CLIC5: variants seen among roughly 807,000 people sequenced by gnomAD.
CLIC5 encodes CLIC family member 5.
Under a neutral mutation model 24.7 loss-of-function variants are expected in CLIC5, and 20 were observed. The observed-to-expected ratio is 0.81, with a 90% CI of 0.57 to 1.18. The LOEUF (loss-of-function observed/expected upper bound fraction) is 1.18. Among genes scored for constraint, CLIC5 ranks in the 50% most tolerant of loss-of-function variants. CLIC5 has a pLI of 0.00. For missense variants in CLIC5, 341 were observed against 326.1 expected (o/e 1.05, Z -0.35); for synonymous variants, 159 against 135.6 (o/e 1.17, Z -1.20).
chr6:46,010,621 A>G (rs1766772636), intron 1 of CLIC5, among the ~76,000 whole-genome samples: 1 of 152,126 alleles, frequency 6.6e-6, no homozygotes, highest in African/African-American at 2.4e-5. Context: ...GAGACAACAC[A>G]AGTCATCAGG....
At chr6:46,129,618 G>A in the CLIC5 span, 1 of 152,258 alleles carries the variant, frequency 6.6e-6, no homozygotes, top group Non-Finnish European at 1.5e-5. Context: ...CTCCAGACTT[G>A]TGCCGGACCT....
At chr6:45,955,341 C>T in intron 1 of CLIC5, 97 bp from the exon 2 acceptor site, 1 of 819,916 alleles carries the variant, frequency 1.2e-6, no homozygotes, top group Non-Finnish European at 1.9e-6. Flanking sequence ...GGAGACCTTA[C>T]TAAAACCATG....
intron 5 of CLIC5, chr6:45,912,326 C>T (rs998559319): frequency 2.0e-6 from 2 of 1,013,164 alleles, no homozygotes; most frequent in Admixed American, 5.3e-5. Flanking sequence ...TCCAGCTTCT[C>T]TGGGTTAACC....
intron 4 of CLIC5, among the ~76,000 whole-genome samples, chr6:45,918,062 G>T (rs72871434): frequency 6.6e-6 from 1 of 152,106 alleles, no homozygotes; most frequent in East Asian, 1.9e-4. Flanking sequence ...TCCCCTCTCC[G>T]CCTCTGCTCC....
At chr6:46,112,038 G>A in the CLIC5 span, among the ~76,000 whole-genome samples, 13 of 43,576 alleles carry the variant, frequency 3.0e-4, no homozygotes, top group African/African-American at 8.1e-4. Flanking sequence ...TCTCAAGTAT[G>A]TCTTTATCAG....
intron 4 of CLIC5, among the ~76,000 whole-genome samples, chr6:45,917,866 A>G (rs112310828): frequency 1.2e-4 from 19 of 152,322 alleles, no homozygotes; most frequent in Middle Eastern, 6.8e-3. Context: ...CAACAAAAAG[A>G]TGTTAATTCT....
chr6:46,051,967 T>C (rs533196437), intron 1 of CLIC5, among the ~76,000 whole-genome samples: 3 of 152,286 alleles, frequency 2.0e-5, no homozygotes, highest in African/African-American at 7.2e-5. Context: ...GTGAGTGGTA[T>C]TTAGGACCCA....
At position 46,015,842 on chromosome 6, in the gene CLIC5, A is replaced by G; in HGVS notation, c.-300T>C. On this transcript the variant is annotated 5_prime_UTR_variant, in exon 1 of 6. Transcript: ENST00000339561. ...GTGCCGGGCTGCCCGGAGGTGTCAC[A>G]GGATCCGCGACTGTCAGCGATCCCG... 1 of 1,126,134 alleles carries G rather than the reference A, an allele frequency of 8.9e-7. No homozygotes were observed. The highest frequency in any genetic ancestry group is 1.1e-6 in the Non-Finnish European group (1 of 919,982). The allele number at this position is 1,126,134 out of a possible 1,614,324, so 69.8% of individuals were successfully genotyped here.
intron 6 of CLIC5, among the ~76,000 whole-genome samples, chr6:45,886,733 G>T (rs779019754): frequency 7.9e-5 from 12 of 152,146 alleles, no homozygotes; most frequent in Non-Finnish European, 1.5e-4. Flanking sequence ...GAGCTCAAAG[G>T]CTTCTGGGGT....
chr6:45,956,761 C>T (rs950761977), intron 1 of CLIC5, among the ~76,000 whole-genome samples: 3 of 152,262 alleles, frequency 2.0e-5, no homozygotes, highest in African/African-American at 7.2e-5. Flanking sequence ...CCAAAAGCCC[C>T]ACTCCCTATT....
intron 1 of CLIC5, among the ~76,000 whole-genome samples, chr6:46,014,043 G>A (rs1193691757): frequency 6.6e-6 from 1 of 152,152 alleles, no homozygotes. Context: ...CTGGGGTGGG[G>A]GTGGGGGGAG....
intron 4 of CLIC5, among the ~76,000 whole-genome samples, chr6:45,930,139 C>T (rs374159208): frequency 3.3e-5 from 5 of 152,170 alleles, no homozygotes; most frequent in Non-Finnish European, 7.4e-5. Flanking sequence ...GTCCCTCACC[C>T]TCCTCCCCAC....
intron 2 of CLIC5, among the ~76,000 whole-genome samples, chr6:45,954,272 CAA>C (rs11311720): frequency 2.1e-3 from 158 of 76,520 alleles, no homozygotes; most frequent in African/African-American, 4.4e-3. Flanking sequence ...GACTCTGTCT[CAA>C]AAAAAAAAAA....
chr6:46,031,796 G>A (rs1447669549), intron 1 of CLIC5, among the ~76,000 whole-genome samples: 1 of 149,674 alleles, frequency 6.7e-6, no homozygotes, highest in Non-Finnish European at 1.5e-5. Flanking sequence ...ATGTTGTTAA[G>A]TGAAAAAAAA....
chr6:46,079,893 T>C (rs1458762001), exon 1 of CLIC5: 6 of 1,551,942 alleles, frequency 3.9e-6, no homozygotes, highest in Non-Finnish European at 5.2e-6. Context: ...GCAGAGTTGC[T>C]GGTCCTGGGT....
intron 1 of CLIC5, among the ~76,000 whole-genome samples, chr6:46,036,534 T>C (rs994573999): frequency 5.3e-5 from 8 of 152,092 alleles, no homozygotes; most frequent in African/African-American, 1.9e-4. Flanking sequence ...ATGGTCTCCT[T>C]CTCCTGACCT....
At chr6:46,124,006 C>A in the CLIC5 span, among the ~76,000 whole-genome samples, 1 of 152,144 alleles carries the variant, frequency 6.6e-6, no homozygotes, top group Non-Finnish European at 1.5e-5. Context: ...GGCCATACTG[C>A]CCAAGGTAAT....
chr6:45,914,453 A>T, intron 4 of CLIC5, 44 bp from the exon 5 acceptor site: 2 of 1,520,964 alleles, frequency 1.3e-6, no homozygotes, highest in East Asian at 2.3e-5. Flanking sequence ...ACTTCTTGCC[A>T]GTGGATACAG....
At chr6:45,892,772 G>A (rs748396098) in intron 6 of CLIC5, among the ~76,000 whole-genome samples, 39 of 152,284 alleles carry the variant, frequency 2.6e-4, no homozygotes, top group Non-Finnish European at 4.1e-4. Context: ...ACGAGGTAAA[G>A]GAAAAATAGT....
Sources: gnomAD v4.1 joint callset for allele counts (sites outside exome capture counted in the v4.1 genomes callset) on GRCh38, gnomAD v4.1.1 for gene constraint, MANE v1.5 for transcripts, NCBI Gene and HGNC (gene_info 2026-07-23, HGNC 2026-07-21) for gene names.